The following SLC41A3 variants were observed in gnomAD, a reference collection of about 807,000 sequenced individuals.
SLC41A3 encodes SLC41A1-like 2.
Under a neutral mutation model 45.4 loss-of-function variants are expected in SLC41A3, and 44 were observed. The ratio of observed to expected loss-of-function variants is 0.97; its 90% confidence interval spans 0.76 to 1.25. The LOEUF (loss-of-function observed/expected upper bound fraction) is 1.25, where lower values mean the gene tolerates loss of function less well. SLC41A3 is among the 50% of genes most tolerant of loss of function. The pLI, the probability that SLC41A3 is intolerant of heterozygous loss-of-function variation, is 0.00. For synonymous variants in SLC41A3, 256 were observed against 252.4 expected, an observed-to-expected ratio of 1.01 and a Z score of -0.13; for missense variants, 550 against 600.6, an observed-to-expected ratio of 0.92 and a Z score of 0.88.
chr3:126,098,918 G>T (rs1256320457), intron 1 of SLC41A3, among the ~76,000 whole-genome samples: 2 of 142,494 alleles, frequency 1.4e-5, no homozygotes, highest in South Asian at 2.3e-4. Context: ...GGATGGACAT[G>T]ACCTGGCTTT....
rs80173954 is a variant in SLC41A3 at position 126,049,821 on chromosome 3, T to C, written c.381+1122A>G. On this transcript the variant is annotated intron_variant, in intron 3 of 10. Coordinates refer to ENST00000360370, the MANE Select transcript of SLC41A3 (RefSeq NM_017836.4). ...TGAAATGAGTCTTATGGGGTCAAAA[T>C]CAAAACCTCACTCCCTCTGGAAGCT... 1.8e-3 allele frequency among the ~76,000 whole-genome samples: 269 copies of C among 152,264 alleles called. 1 individual carries two copies. The highest frequency in any genetic ancestry group is 6.3e-3 in the African/African-American group (263 of 41,544).
chr3:126,059,026 A>G (rs1240910405), intron 2 of SLC41A3, among the ~76,000 whole-genome samples: 2 of 151,578 alleles, frequency 1.3e-5, no homozygotes, highest in African/African-American at 4.9e-5. Context: ...TAACAGAAGC[A>G]TAAAATGCAG....
chr3:126,013,157 G>A (rs946543157), intron 8 of SLC41A3, among the ~76,000 whole-genome samples: 4 of 152,110 alleles, frequency 2.6e-5, no homozygotes, highest in African/African-American at 9.7e-5. Flanking sequence ...CAAGGCCACA[G>A]GCATTGACAG....
At chr3:126,094,350 G>T (rs1037311847) in intron 1 of SLC41A3, among the ~76,000 whole-genome samples, 4 of 152,326 alleles carry the variant, frequency 2.6e-5, no homozygotes, top group Admixed American at 2.0e-4. Flanking sequence ...AGCCAATTTG[G>T]ATAGAACAAT....
At chr3:126,013,296 A>G (rs147618064) in intron 8 of SLC41A3, among the ~76,000 whole-genome samples, 22 of 152,122 alleles carry the variant, frequency 1.4e-4, no homozygotes, top group Non-Finnish European at 3.1e-4. Flanking sequence ...ATGGTGGCTC[A>G]TGCCTGTAAT....
intron 2 of SLC41A3, among the ~76,000 whole-genome samples, chr3:126,061,362 ACT>A (rs1039136769): frequency 1.3e-5 from 2 of 152,150 alleles, no homozygotes; most frequent in Admixed American, 6.5e-5. Flanking sequence ...CTGCTCCCAC[ACT>A]GTCTCCAAGC....
At chr3:126,082,582 C>T (rs1484021697) in intron 1 of SLC41A3, among the ~76,000 whole-genome samples, 2 of 152,186 alleles carry the variant, frequency 1.3e-5, no homozygotes. Flanking sequence ...GGCTGCCCAC[C>T]CTCCCAGCTG....
intron 3 of SLC41A3, among the ~76,000 whole-genome samples, chr3:126,036,019 C>T (rs1380419531): frequency 6.6e-6 from 1 of 152,130 alleles, no homozygotes; most frequent in Non-Finnish European, 1.5e-5. Context: ...CCAGATTTTC[C>T]TCAATAGAAG....
intron 8 of SLC41A3, among the ~76,000 whole-genome samples, chr3:126,013,393 C>T (rs1939921550): frequency 6.6e-6 from 1 of 151,646 alleles, no homozygotes; most frequent in African/African-American, 2.4e-5. Flanking sequence ...AACTCTGTCT[C>T]TACTAAAAAT....
chr3:126,058,700 A>G (rs1943826870), intron 2 of SLC41A3, among the ~76,000 whole-genome samples: 1 of 152,232 alleles, frequency 6.6e-6, no homozygotes, highest in Non-Finnish European at 1.5e-5. Flanking sequence ...TTGCTCACAC[A>G]GTGTGTGGTC....
At chr3:126,054,189 A>T (rs913622042) in intron 2 of SLC41A3, among the ~76,000 whole-genome samples, 1 of 152,154 alleles carries the variant, frequency 6.6e-6, no homozygotes, top group Admixed American at 6.5e-5. Context: ...TACCTAACAC[A>T]TAAGTCCTAT....
At chr3:126,095,709 C>T (rs9810465) in intron 1 of SLC41A3, among the ~76,000 whole-genome samples, 92,550 of 151,944 alleles carry the variant, frequency 0.61, 28,613 homozygotes, top group African/African-American at 0.71. Flanking sequence ...AATGAACGTA[C>T]TTGTTTAGGA....
At chr3:126,084,457 G>C (rs1055189578), upstream of SLC41A3, 2 of 152,328 alleles carry the variant, frequency 1.3e-5, no homozygotes, top group Admixed American at 6.5e-5. Context: ...AGAAAGGTAC[G>C]GAGAACGGGA....
At chr3:126,035,997 A>G (rs1942160713) in intron 3 of SLC41A3, among the ~76,000 whole-genome samples, 1 of 152,228 alleles carries the variant, frequency 6.6e-6, no homozygotes, top group Non-Finnish European at 1.5e-5. Flanking sequence ...AGGAGCATCT[A>G]CAGAGAGCAA....
Position 126,056,528 on chromosome 3 carries a change from C to G in SLC41A3, c.274-5478G>C. On this transcript the variant is annotated intron_variant, in intron 2 of 10. Coordinates refer to ENST00000360370, the MANE Select transcript of SLC41A3 (RefSeq NM_017836.4). ...AGCTTCTTGCCCTGAAAGCAAAACTCCAGATTCAGCTGGGTGACCACCATG... is the reference window on the plus strand; with the variant it reads ...AGCTTCTTGCCCTGAAAGCAAAACTGCAGATTCAGCTGGGTGACCACCATG... 2.5e-6 allele frequency: 4 copies of G among 1,614,036 alleles called. No homozygotes were observed. In the Middle Eastern group the frequency reaches 6.7e-4, roughly 269 times the overall value.
At chr3:126,053,584 G>A (rs1943477397) in intron 2 of SLC41A3, among the ~76,000 whole-genome samples, 1 of 151,806 alleles carries the variant, frequency 6.6e-6, no homozygotes, top group Non-Finnish European at 1.5e-5. Context: ...AACCAATTCT[G>A]GCACTGTCCT....
intron 2 of SLC41A3, among the ~76,000 whole-genome samples, chr3:126,057,705 A>T (rs892780068): frequency 9.2e-5 from 14 of 152,326 alleles, no homozygotes; most frequent in Non-Finnish European, 1.9e-4. Flanking sequence ...CTGTCCCTGC[A>T]ACCGAACTCC....
rs1336194624 is a variant in SLC41A3 at position 126,026,308 on chromosome 3, G to A, written c.598+27C>T. 1.3e-6 allele frequency: 2 copies of A among 1,553,292 alleles called. No individual in the cohort carries two copies. Among genetic ancestry groups the A allele is most frequent in the Non-Finnish European group, 1.7e-6 (2 of 1,147,674 alleles). On this transcript the variant is annotated intron_variant, in intron 5 of 10. Transcript: ENST00000360370. This position sits in a 1 kb window ranked among gnomAD's most constrained non-coding sequence, Gnocchi z 4.2. ...ACCTCAGAGGAGCAGGGAGCGGGTG[G>A]GGGCTCACAGCTGGGGCATGGCTCA...
intron 2 of SLC41A3, among the ~76,000 whole-genome samples, chr3:126,066,859 TAGG>T: frequency 6.6e-6 from 1 of 152,308 alleles, no homozygotes; most frequent in African/African-American, 2.4e-5. Flanking sequence ...TGATCATCTG[TAGG>T]ACTGCTCTCT....
Sources: gnomAD v4.1 joint callset for allele counts (sites outside exome capture counted in the v4.1 genomes callset) on GRCh38, gnomAD v4.1.1 for gene constraint, Gnocchi (gnomAD v3.1) non-coding constraint, MANE v1.5 for transcripts, NCBI Gene and HGNC (gene_info 2026-07-23, HGNC 2026-07-21) for gene names.